The following WDFY4 variants were observed in gnomAD, a reference collection of about 807,000 sequenced individuals.
The protein encoded by WDFY4 is WDFY family member 4, also known as WD repeat- and FYVE domain-containing protein 4.
Under a neutral mutation model 351.9 loss-of-function variants are expected in WDFY4, and 169 were observed. The observed-to-expected ratio is 0.48, with a 90% CI of 0.42 to 0.55. The LOEUF (loss-of-function observed/expected upper bound fraction) is 0.55, where lower values mean the gene tolerates loss of function less well. Among genes scored for constraint, WDFY4 ranks in the 20% least tolerant of loss-of-function variants. WDFY4 has a pLI of 0.00. For missense variants in WDFY4, 3,803 were observed against 3,935.6 expected (o/e 0.97, Z 0.90); for synonymous variants, 1,622 against 1,574.6 (o/e 1.03, Z -0.71).
chr10:48,842,073 T>A (rs1177710556), intron 39 of WDFY4, among the ~76,000 whole-genome samples: 1 of 151,962 alleles, frequency 6.6e-6, no homozygotes, highest in Admixed American at 6.6e-5. Context: ...CTCCCTCAAC[T>A]TCTTCTTGGA....
At chr10:48,822,640 G>A in intron 35 of WDFY4, 103 bp downstream of exon 35, 1 of 1,327,458 alleles carries the variant, frequency 7.5e-7, no homozygotes, top group Non-Finnish European at 9.7e-7. Flanking sequence ...CCCTGGAGTA[G>A]AATCTGAGCC....
At chr10:48,887,113 T>A (rs1434847089) in intron 43 of WDFY4, among the ~76,000 whole-genome samples, 1 of 152,250 alleles carries the variant, frequency 6.6e-6, no homozygotes, top group East Asian at 1.9e-4. Flanking sequence ...TTTGGCTTAT[T>A]CTGGTTGATA....
intron 47 of WDFY4, among the ~76,000 whole-genome samples, chr10:48,924,746 A>G (rs1181206916): frequency 6.6e-6 from 1 of 152,238 alleles, no homozygotes; most frequent in East Asian, 1.9e-4. Flanking sequence ...CTAAATTAAA[A>G]AAGTAATGGC....
At chr10:48,751,700 G>A (rs1225813749) in intron 12 of WDFY4, among the ~76,000 whole-genome samples, 1 of 152,146 alleles carries the variant, frequency 6.6e-6, no homozygotes, top group Non-Finnish European at 1.5e-5. Flanking sequence ...AGTATCCACA[G>A]GCCTTAGTAA....
intron 1 of WDFY4, among the ~76,000 whole-genome samples, chr10:48,707,694 T>G (rs990604842): frequency 2.6e-5 from 4 of 152,096 alleles, no homozygotes; most frequent in African/African-American, 9.7e-5. Flanking sequence ...TTTGCTAACT[T>G]AAGTGTATGT....
intron 39 of WDFY4, among the ~76,000 whole-genome samples, chr10:48,849,033 C>T (rs950963631): frequency 1.3e-5 from 2 of 152,150 alleles, no homozygotes; most frequent in Non-Finnish European, 2.9e-5. Context: ...TCACTCTGCC[C>T]TCCATGCATG....
chr10:48,927,982 A>G (rs1839714701), intron 47 of WDFY4, among the ~76,000 whole-genome samples: 1 of 152,222 alleles, frequency 6.6e-6, no homozygotes, highest in South Asian at 2.1e-4. Flanking sequence ...ACCTCAAGAG[A>G]AGCAAAAGTC....
chr10:48,787,913 TTCTTCTTCTTC>T lies in WDFY4; in HGVS notation c.3809-615_3809-605del, dbSNP rs1565198810. ...CTTCTCCTTCTTCTTCTTCTTCTTC[TTCTTCTTCTTC>T]TTCTTCTTCTTCTTCTTCTTCTTCT... On this transcript the variant is annotated intron_variant, in intron 20 of 61. Coordinates refer to ENST00000325239, the MANE Select transcript of WDFY4 (RefSeq NM_001394531.1). Among the ~76,000 whole-genome samples, 37 of 50,654 alleles carry T rather than the reference TTCTTCTTCTTC, an allele frequency of 7.3e-4. 1 individual carries two copies. The highest frequency in any genetic ancestry group is 3.5e-3 in the Admixed American group (17 of 4,802). The allele number at this position is 50,654 out of a possible 152,430, so 33.2% of individuals were successfully genotyped here.
At chr10:48,874,832 C>T (rs182242250) in intron 41 of WDFY4, among the ~76,000 whole-genome samples, 3 of 152,158 alleles carry the variant, frequency 2.0e-5, no homozygotes, top group African/African-American at 7.2e-5. Flanking sequence ...CCATCTGGGC[C>T]TCTTCTTTGG....
At chr10:48,836,532 G>A (rs2068400307) in intron 39 of WDFY4, among the ~76,000 whole-genome samples, 1 of 152,190 alleles carries the variant, frequency 6.6e-6, no homozygotes, top group African/African-American at 2.4e-5. Flanking sequence ...TAGCCCTATA[G>A]CACTGATAAA....
In WDFY4 at chr10:48,873,466, G is replaced by T; in HGVS notation, c.6742-25G>T. On this transcript the variant is annotated intron_variant, in intron 40 of 61. Coordinates refer to ENST00000325239, the MANE Select transcript of WDFY4 (RefSeq NM_001394531.1). ...AAGGCCCATAAGGCAAATGTATCCA[G>T]GGTGACTCTGTTTCTGCTCCCCAGA... The T allele has an allele frequency of 2.0e-6, 3 of 1,528,210 alleles. No homozygotes were observed. In the South Asian group the frequency reaches 3.8e-5, roughly 19 times the overall value. 94.7% of individuals were successfully genotyped at this position (1,528,210 alleles called of 1,614,324 possible).
At chr10:48,881,326 A>G (rs2070239693) in intron 43 of WDFY4, among the ~76,000 whole-genome samples, 1 of 152,254 alleles carries the variant, frequency 6.6e-6, no homozygotes, top group African/African-American at 2.4e-5. Flanking sequence ...CTGTGAGGCA[A>G]GGAACTGTGT....
At chr10:48,967,640 G>A (rs950374808) in intron 55 of WDFY4, 3 of 152,378 alleles carry the variant, frequency 2.0e-5, no homozygotes, top group African/African-American at 7.2e-5. Context: ...CCACTGGGGT[G>A]GGGGTGGTCC....
At position 48,796,461 on chromosome 10, in the gene WDFY4, G is replaced by C; in HGVS notation, c.4410+11G>C. ...CTCTGCAATTTCGAGGTAAATCAGA[G>C]ATTGGCCCTTAGTCCTTCAGGAGTG... On this transcript the variant is annotated intron_variant, in intron 24 of 61. Transcript: ENST00000325239. 6.5e-7 allele frequency: 1 copy of C among 1,549,124 alleles called. No homozygotes were observed. The highest frequency in any genetic ancestry group is 8.7e-7 in the Non-Finnish European group (1 of 1,146,884).
chr10:48,930,004 A>G (rs1466797876), intron 47 of WDFY4, among the ~76,000 whole-genome samples: 1 of 151,824 alleles, frequency 6.6e-6, no homozygotes, highest in Non-Finnish European at 1.5e-5. Flanking sequence ...GCTTGCATTT[A>G]TTATCTATCC....
At chr10:48,943,990 T>G (rs993493421) in intron 49 of WDFY4, among the ~76,000 whole-genome samples, 1 of 152,210 alleles carries the variant, frequency 6.6e-6, no homozygotes, top group African/African-American at 2.4e-5. Flanking sequence ...CTAACATAGT[T>G]GCTAACATGA....
At chr10:48,862,294 A>G (rs1343993565) in intron 39 of WDFY4, among the ~76,000 whole-genome samples, 1 of 152,188 alleles carries the variant, frequency 6.6e-6, no homozygotes, top group Admixed American at 6.5e-5. Flanking sequence ...ATTTATATGT[A>G]ATTCATATAA....
At chr10:48,826,630 C>T in intron 35 of WDFY4, 41 bp from the exon 36 acceptor site, 2 of 1,461,240 alleles carry the variant, frequency 1.4e-6, no homozygotes, top group Non-Finnish European at 1.9e-6. Context: ...TTGTAAAGCA[C>T]TCACAAGTTT....
At chr10:48,934,646 T>C (rs2133707630) in intron 47 of WDFY4, among the ~76,000 whole-genome samples, 1 of 152,336 alleles carries the variant, frequency 6.6e-6, no homozygotes, top group South Asian at 2.1e-4. Flanking sequence ...ACCACCAGAC[T>C]TCTTAAAACA....
Sources: allele counts gnomAD v4.1 joint callset (sites outside exome capture counted in the v4.1 genomes callset), GRCh38; gene constraint gnomAD v4.1.1; transcripts MANE v1.5; gene names NCBI Gene and HGNC (gene_info 2026-07-23, HGNC 2026-07-21).